DOCK3: variants seen among roughly 807,000 people sequenced by gnomAD.
DOCK3 encodes the protein dedicator of cytokinesis 3, also known as dedicator of cytokinesis protein 3.
A neutral mutation model predicts 265.6 loss-of-function variants in DOCK3; 60 were observed. The observed-to-expected ratio is 0.23, with a 90% CI of 0.18 to 0.28. The LOEUF (loss-of-function observed/expected upper bound fraction) is 0.28, where lower values mean the gene tolerates loss of function less well. Ranked by LOEUF, DOCK3 falls within the 10% of genes least tolerant of loss-of-function variation. DOCK3 has a pLI of 1.00. For synonymous variants in DOCK3, 881 were observed against 938.0 expected, an observed-to-expected ratio of 0.94 and a Z score of 1.11; for missense variants, 1,981 against 2,594.3, an observed-to-expected ratio of 0.76 and a Z score of 5.14.
chr3:51,075,243 C>T (rs1187643894), intron 6 of DOCK3, 113 bp from the exon 7 acceptor site: 14 of 764,296 alleles, frequency 1.8e-5, no homozygotes, highest in South Asian at 1.8e-5. Context: ...CCTGCTAGGA[C>T]AGTGTCTGAT....
At chr3:51,264,701 C>T (rs987371462) in intron 23 of DOCK3, among the ~76,000 whole-genome samples, 3 of 151,992 alleles carry the variant, frequency 2.0e-5, no homozygotes, top group East Asian at 1.9e-4. Context: ...GTGGCGGTTA[C>T]GTGTAGTCCC....
chr3:51,262,671 A>G (rs567772531), intron 23 of DOCK3, among the ~76,000 whole-genome samples: 8 of 152,364 alleles, frequency 5.3e-5, no homozygotes, highest in African/African-American at 1.7e-4. Flanking sequence ...AAGAACCTCG[A>G]AAAAAGGTTA....
chr3:51,132,905 C>T (rs1368893688), intron 9 of DOCK3, among the ~76,000 whole-genome samples: 1 of 152,116 alleles, frequency 6.6e-6, no homozygotes, highest in African/African-American at 2.4e-5. Context: ...TGTCAGCATC[C>T]CCTCCCCGAC....
At chr3:51,269,243 T>C (rs1196932912) in intron 23 of DOCK3, among the ~76,000 whole-genome samples, 10 of 150,592 alleles carry the variant, frequency 6.6e-5, no homozygotes. Context: ...AGTTAGACTT[T>C]ATATCTTTGA....
chr3:50,831,091 A>G (rs2045120331), intron 2 of DOCK3, among the ~76,000 whole-genome samples: 1 of 152,058 alleles, frequency 6.6e-6, no homozygotes, highest in South Asian at 2.1e-4. Context: ...ATGCATTATA[A>G]TTAGCATATA....
chr3:50,925,921 T>A (rs1396194582), intron 4 of DOCK3, among the ~76,000 whole-genome samples: 1 of 145,418 alleles, frequency 6.9e-6, no homozygotes, highest in African/African-American at 2.5e-5. Context: ...TACCTCTGCC[T>A]CCCGGGTTCA....
intron 2 of DOCK3, among the ~76,000 whole-genome samples, chr3:50,799,582 G>T (rs2042968324): frequency 6.6e-6 from 1 of 152,048 alleles, no homozygotes; most frequent in African/African-American, 2.4e-5. Flanking sequence ...TACTGAATTA[G>T]TTTATCAGTT....
rs191913018 is a variant in DOCK3 at position 51,150,581 on chromosome 3, C to T, written c.828+3951C>T. ...CAAAGAATATCTTTATTTCTGCCTT[C>T]ATTTAGTTATTAACCCAGTAGTCAT... is the stretch of plus-strand genomic sequence containing the variant. On this transcript the variant is annotated intron_variant, in intron 10 of 52. Transcript: ENST00000266037. 3.3e-3 allele frequency among the ~76,000 whole-genome samples: 506 copies of T among 152,266 alleles called. 1 individual carries two copies. The highest frequency in any genetic ancestry group is 5.3e-3 in the Non-Finnish European group (359 of 68,030).
At chr3:51,049,831 C>CA (rs1352039758) in intron 5 of DOCK3, among the ~76,000 whole-genome samples, 1 of 62,626 alleles carries the variant, frequency 1.6e-5, no homozygotes, top group African/African-American at 4.9e-5. Context: ...ACACACACCC[C>CA]AAAAAAACAC....
intron 29 of DOCK3, 140 bp from the exon 30 acceptor site, chr3:51,312,335 TG>T: frequency 1.1e-6 from 1 of 881,924 alleles, no homozygotes; most frequent in Non-Finnish European, 1.7e-6. Flanking sequence ...AATTCTTGTT[TG>T]CAAAGATATT....
rs2082977666 is a variant in DOCK3 at position 51,310,118 on chromosome 3, A to G, written c.2923-114A>G. 3 of 781,470 alleles carry G rather than the reference A, an allele frequency of 3.8e-6. No homozygotes were observed. The Admixed American group carries it at 6.1e-5, about 16-fold the overall frequency. The allele number at this position is 781,470 out of a possible 1,614,324, so 48.4% of individuals were successfully genotyped here. A position where few individuals can be genotyped will look rare whatever the true frequency, so the allele number is the denominator to read the frequency against. ...AGAAACAACTCACAGAGAGAACCAG[A>G]TCTAACTCACTGGTCCCACCCATTG... On this transcript the variant is annotated intron_variant, in intron 27 of 52. Coordinates refer to ENST00000266037, the MANE Select transcript of DOCK3 (RefSeq NM_004947.5).
In DOCK3 at chr3:50,802,553, C is replaced by T. The variant is rs190154685; in HGVS notation, c.121+23795C>T. On this transcript the variant is annotated intron_variant, in intron 2 of 52. Transcript: ENST00000266037. ...TGCTGGGTATAATATTCCTCATTGC[C>T]ATTTTTAATTTTTATTTTTTCTTTC... 5.0e-4 allele frequency among the ~76,000 whole-genome samples: 76 copies of T among 152,094 alleles called. 1 individual carries two copies. The highest frequency in any genetic ancestry group is 8.2e-4 in the Non-Finnish European group (56 of 67,970).
At chr3:50,987,707 C>G (rs142326277) in intron 5 of DOCK3, among the ~76,000 whole-genome samples, 2 of 152,278 alleles carry the variant, frequency 1.3e-5, no homozygotes, top group Admixed American at 1.3e-4. Context: ...GAAGAAAAGG[C>G]AGGATGGTGG....
chr3:51,076,417 A>G (rs1457132636), intron 7 of DOCK3, among the ~76,000 whole-genome samples: 3 of 152,210 alleles, frequency 2.0e-5, no homozygotes, highest in African/African-American at 4.8e-5. Flanking sequence ...CTTGGACAAC[A>G]TAGTGAGACC....
chr3:51,031,146 TTTC>T (rs2080032788), intron 5 of DOCK3, among the ~76,000 whole-genome samples: 1 of 152,228 alleles, frequency 6.6e-6, no homozygotes, highest in African/African-American at 2.4e-5. Context: ...CAATTACTTT[TTTC>T]TTCTATATTT....
chr3:51,077,223 A>G (rs1669144799), intron 7 of DOCK3, among the ~76,000 whole-genome samples: 1 of 152,080 alleles, frequency 6.6e-6, no homozygotes, highest in Non-Finnish European at 1.5e-5. Flanking sequence ...TGAAGAGAGA[A>G]TGAGAGTTTG....
At chr3:50,899,339 C>G (rs2049058791) in intron 4 of DOCK3, among the ~76,000 whole-genome samples, 1 of 152,088 alleles carries the variant, frequency 6.6e-6, no homozygotes, top group African/African-American at 2.4e-5. Context: ...GTAAATATTC[C>G]TCCATCCCTT....
chr3:50,887,384 C>A (rs2048399718), intron 3 of DOCK3, among the ~76,000 whole-genome samples: 1 of 132,778 alleles, frequency 7.5e-6, no homozygotes, highest in South Asian at 2.7e-4. Context: ...GCCTACCAAC[C>A]AATAAAAGCC....
rs779601630 is a variant in DOCK3, at chr3:51,237,540, T to C, written c.2052T>C (p.Pro684=). 22 of 1,613,048 alleles carry C rather than the reference T, an allele frequency of 1.4e-5. No homozygotes were observed. The highest frequency in any genetic ancestry group is 1.6e-5 in the Non-Finnish European group (19 of 1,179,668). The change falls in exon 21 of 53, where the codon CCT becomes CCC. Residue 684 remains proline (P), a synonymous_variant. Coordinates refer to ENST00000266037, the MANE Select transcript of DOCK3 (RefSeq NM_004947.5). ...LRDIKYFHFR[P]VMDTYIQKHF... ...ACATCAAGTATTTTCACTTTCGACC[T>C]GTGATGGACACGTATATCCAGAAGC...
Sources: allele counts gnomAD v4.1 joint callset (sites outside exome capture counted in the v4.1 genomes callset), GRCh38; gene constraint gnomAD v4.1.1; transcripts MANE v1.5; gene names NCBI Gene and HGNC (gene_info 2026-07-23, HGNC 2026-07-21).